The following CNNM2 variants were observed in gnomAD, a reference collection of about 807,000 sequenced individuals.
CNNM2 encodes cyclin and CBS domain divalent metal cation transport mediator 2.
A neutral mutation model predicts 66.9 loss-of-function variants in CNNM2; 12 were observed. The observed-to-expected ratio is 0.18, with a 90% CI of 0.11 to 0.29. The LOEUF (loss-of-function observed/expected upper bound fraction) is 0.29. Among genes scored for constraint, CNNM2 ranks in the 10% least tolerant of loss-of-function variants. The pLI, the probability that CNNM2 is intolerant of heterozygous loss-of-function variation, is 1.00. For synonymous variants in CNNM2, 557 were observed against 501.8 expected (o/e 1.11, Z -1.47); for missense variants, 705 against 1,167.7 (o/e 0.60, Z 5.77).
chr10:102,925,900 AT>A (rs1371120030), intron 1 of CNNM2, among the ~76,000 whole-genome samples: 1 of 152,156 alleles, frequency 6.6e-6, no homozygotes, highest in African/African-American at 2.4e-5. Flanking sequence ...ATTTTAGGAA[AT>A]GAGTGTTGAT....
At chr10:103,070,259 C>T (rs2065553198) in intron 5 of CNNM2, among the ~76,000 whole-genome samples, 1 of 152,182 alleles carries the variant, frequency 6.6e-6, no homozygotes, top group Non-Finnish European at 1.5e-5. Flanking sequence ...TAGCTCTTAC[C>T]TAGGCATGAG....
chr10:102,945,237 G>C (rs1377621132), intron 1 of CNNM2, among the ~76,000 whole-genome samples: 1 of 152,124 alleles, frequency 6.6e-6, no homozygotes, highest in East Asian at 1.9e-4. Context: ...AGAAGGGGAA[G>C]AAGTGAATGT....
intron 5 of CNNM2, among the ~76,000 whole-genome samples, chr10:103,071,279 A>G (rs55732051): frequency 3.3e-5 from 5 of 152,296 alleles, no homozygotes; most frequent in South Asian, 2.1e-4. Flanking sequence ...ACTTTCCTCT[A>G]TGTTGAGATT....
At chr10:103,016,903 C>G (rs2064463060) in intron 1 of CNNM2, among the ~76,000 whole-genome samples, 1 of 152,100 alleles carries the variant, frequency 6.6e-6, no homozygotes, top group Non-Finnish European at 1.5e-5. Flanking sequence ...TTTCCTCCAT[C>G]CAAAAGCCCC....
chr10:102,983,333 AT>A (rs1267906561), intron 1 of CNNM2, among the ~76,000 whole-genome samples: 1 of 147,450 alleles, frequency 6.8e-6, no homozygotes, highest in African/African-American at 2.5e-5. Flanking sequence ...AAATATTTAT[AT>A]TTTTATATAT....
intron 1 of CNNM2, among the ~76,000 whole-genome samples, chr10:103,030,940 A>T (rs1294300656): frequency 1.3e-5 from 2 of 152,170 alleles, no homozygotes; most frequent in African/African-American, 4.8e-5. Context: ...TGAACTTAAG[A>T]TGCTTATTGG....
In CNNM2 at chr10:103,089,877, T is replaced by C. The variant is rs749191440; in HGVS notation, c.*12697T>C. The C allele has an allele frequency of 6.2e-7, 1 of 1,612,082 alleles. No individual in the cohort carries two copies. ...AGACTCCATCTCATTGATATCTACG[T>C]GTGTGTGCTCCACCGTTGATTCATG... On this transcript the variant is annotated 3_prime_UTR_variant, in exon 8 of 8. Coordinates refer to ENST00000369878, the MANE Select transcript of CNNM2 (RefSeq NM_017649.5).
intron 5 of CNNM2, 131 bp from the exon 6 acceptor site, chr10:103,071,643 C>A (rs1413898614): frequency 2.5e-6 from 2 of 792,294 alleles, no homozygotes; most frequent in Non-Finnish European, 4.6e-6. Flanking sequence ...AATACCATAC[C>A]GACTTGCATT....
Position 102,992,273 on chromosome 10 carries a change from C to CTTTTTTTTTTTTTTTTTTTTT in CNNM2, c.1622-57416_1622-57415insTTTTTTTTTTTTTTTTTTTTT, listed in dbSNP as rs35281835. Among the ~76,000 whole-genome samples the CTTTTTTTTTTTTTTTTTTTTT allele has an allele frequency of 1.1e-4, 12 of 108,480 alleles. 1 individual carries two copies. The highest frequency in any genetic ancestry group is 6.2e-4 in the East Asian group (2 of 3,246). 71.2% of individuals were successfully genotyped at this position (108,480 alleles called of 152,430 possible). On this transcript the variant is annotated intron_variant, in intron 1 of 7. Coordinates refer to ENST00000369878, the MANE Select transcript of CNNM2 (RefSeq NM_017649.5). ...TTTACTGGGAGCAAGCTCCAAGTTC[C>CTTTTTTTTTTTTTTTTTTTTT]TTTTTTTTTTTTTTTTTTGAGATGC...
intron 1 of CNNM2, among the ~76,000 whole-genome samples, chr10:102,965,528 C>T (rs1483889558): frequency 6.6e-6 from 1 of 152,186 alleles, no homozygotes; most frequent in Non-Finnish European, 1.5e-5. Flanking sequence ...AAATTGAACT[C>T]ACTAAAATCT....
At chr10:103,000,190 C>G (rs1322237668) in intron 1 of CNNM2, among the ~76,000 whole-genome samples, 1 of 151,880 alleles carries the variant, frequency 6.6e-6, no homozygotes, top group African/African-American at 2.4e-5. Context: ...GAGCCGATAT[C>G]ATGCCGTTGC....
At chr10:102,939,903 G>A (rs1478342270) in intron 1 of CNNM2, among the ~76,000 whole-genome samples, 10 of 152,040 alleles carry the variant, frequency 6.6e-5, no homozygotes. Flanking sequence ...GGGAGGTGGA[G>A]GCTGCAGTGA....
intron 1 of CNNM2, among the ~76,000 whole-genome samples, chr10:102,953,114 T>A (rs1846901836): frequency 6.6e-6 from 1 of 152,244 alleles, no homozygotes; most frequent in African/African-American, 2.4e-5. Flanking sequence ...TTTATGGACA[T>A]GACTTGAGAT....
rs1845488551 is a variant in CNNM2 at position 102,918,376 on chromosome 10, T to G, written c.-105T>G. ...AGTGTCAGTCAGGGAGGCGAACTGC[T>G]GAGCACTGGCCGCGGACGCTCCGTT... On this transcript the variant is annotated 5_prime_UTR_variant, in exon 1 of 8. Coordinates refer to ENST00000369878, the MANE Select transcript of CNNM2 (RefSeq NM_017649.5). This position sits in a 1 kb window ranked among gnomAD's most constrained non-coding sequence, Gnocchi z 4.1. 2 of 1,516,102 alleles carry G rather than the reference T, an allele frequency of 1.3e-6. No homozygotes were observed. Among genetic ancestry groups the G allele is most frequent in the East Asian group, 5.2e-5 (2 of 38,760 alleles). The allele number at this position is 1,516,102 out of a possible 1,614,324, so 93.9% of individuals were successfully genotyped here.
At chr10:102,981,191 A>C (rs2063713810) in intron 1 of CNNM2, among the ~76,000 whole-genome samples, 1 of 152,058 alleles carries the variant, frequency 6.6e-6, no homozygotes, top group Non-Finnish European at 1.5e-5. Context: ...TACAAAAAAA[A>C]ATTTAAAAAT....
At chr10:103,061,867 A>T (rs1353078431) in intron 4 of CNNM2, among the ~76,000 whole-genome samples, 1 of 72,928 alleles carries the variant, frequency 1.4e-5, no homozygotes, top group Non-Finnish European at 3.2e-5. Flanking sequence ...GGAAAGTAGT[A>T]AAAAAAAATG....
At chr10:102,995,201 T>TCCTCC (rs564530722) in intron 1 of CNNM2, among the ~76,000 whole-genome samples, 2 of 558 alleles carry the variant, frequency 3.6e-3, no homozygotes, top group Non-Finnish European at 5.6e-3. Flanking sequence ...CTCTTCCTCC[T>TCCTCC]CCTTCCTCTT....
rs1590469878 is a variant in CNNM2, at chr10:103,054,256, T to G, written c.1766-73T>G. ...CCAGCTCTTCCAATATATTTTGTCT[T>G]TTTCATTCAAAAAGAGCCCTCATCT... On this transcript the variant is annotated intron_variant, in intron 2 of 7. Coordinates refer to ENST00000369878, the MANE Select transcript of CNNM2 (RefSeq NM_017649.5). The surrounding 1 kb of genome is among the most constrained non-coding windows in gnomAD (Gnocchi z 5.2). 10 of 1,527,550 alleles carry G rather than the reference T, an allele frequency of 6.5e-6. No homozygotes were observed. Among genetic ancestry groups the G allele is most frequent in the Middle Eastern group, 1.7e-4 (1 of 5,852 alleles). 94.6% of individuals were successfully genotyped at this position (1,527,550 alleles called of 1,614,324 possible). A position where few individuals can be genotyped will look rare whatever the true frequency, so the allele number is the denominator to read the frequency against.
chr10:102,994,234 G>A (rs1246812702), intron 1 of CNNM2, among the ~76,000 whole-genome samples: 1 of 152,188 alleles, frequency 6.6e-6, no homozygotes, highest in Admixed American at 6.5e-5. Flanking sequence ...ACCGCACCCG[G>A]CTCAAAATCT....
Sources: gnomAD v4.1 joint callset for allele counts (sites outside exome capture counted in the v4.1 genomes callset) on GRCh38, gnomAD v4.1.1 for gene constraint, Gnocchi (gnomAD v3.1) non-coding constraint, MANE v1.5 for transcripts, NCBI Gene and HGNC (gene_info 2026-07-23, HGNC 2026-07-21) for gene names.